The following CTNND2 variants were observed in gnomAD, a reference collection of about 807,000 sequenced individuals.
The protein encoded by CTNND2 is catenin delta 2.
Under a neutral mutation model 144.4 loss-of-function variants are expected in CTNND2, and 22 were observed. That is an observed-to-expected ratio of 0.15 (90% confidence interval 0.11 to 0.22). The LOEUF (loss-of-function observed/expected upper bound fraction) is 0.22. Among genes scored for constraint, CTNND2 ranks in the 10% least tolerant of loss-of-function variants. The pLI, the probability that CTNND2 is intolerant of heterozygous loss-of-function variation, is 1.00. For missense variants in CTNND2, 1,353 were observed against 1,618.8 expected (o/e 0.84, Z 2.82); for synonymous variants, 751 against 695.6 (o/e 1.08, Z -1.25).
chr5:11,528,320 G>A (rs2150050990), intron 3 of CTNND2, among the ~76,000 whole-genome samples: 1 of 152,128 alleles, frequency 6.6e-6, no homozygotes, highest in South Asian at 2.1e-4. Context: ...CTTAAGTAAT[G>A]GCTTTCTGGG....
chr5:11,865,095 A>G (rs1347937559), intron 1 of CTNND2, among the ~76,000 whole-genome samples: 2 of 151,940 alleles, frequency 1.3e-5, no homozygotes, highest in Non-Finnish European at 2.9e-5. Context: ...AGGTGTCTCT[A>G]TGTTGGTCAG....
At chr5:11,139,782 T>C (rs1756533987) in intron 12 of CTNND2, among the ~76,000 whole-genome samples, 2 of 152,336 alleles carry the variant, frequency 1.3e-5, no homozygotes, top group Non-Finnish European at 2.9e-5. Flanking sequence ...GATTTATTCT[T>C]ATACATCTGG....
At chr5:11,163,203 A>ATTT (rs2149774185) in intron 11 of CTNND2, among the ~76,000 whole-genome samples, 1 of 152,328 alleles carries the variant, frequency 6.6e-6, no homozygotes, top group African/African-American at 2.4e-5. Context: ...AGACTATGTC[A>ATTT]TTAAAAAGGC....
At chr5:11,557,968 C>T (rs1776364425) in intron 3 of CTNND2, among the ~76,000 whole-genome samples, 1 of 152,156 alleles carries the variant, frequency 6.6e-6, no homozygotes, top group African/African-American at 2.4e-5. Context: ...AGGAAGGGCA[C>T]AGGTTGCTGC....
rs1458067855 is a variant in CTNND2 at position 11,470,976 on chromosome 5, A to ATT, written c.288-58908_288-58907insAA. Among the ~76,000 whole-genome samples the ATT allele has an allele frequency of 2.4e-4, 23 of 95,132 alleles. No homozygotes were observed. In the South Asian group the frequency reaches 6.0e-3, roughly 25 times the overall value. 62.4% of individuals were successfully genotyped at this position (95,132 alleles called of 152,430 possible). ...AAAGTATATATATATATATATATATATATATTTTTTTTTTTTTTTTAGATG... is the reference window on the plus strand; with the variant it reads ...AAAGTATATATATATATATATATATATTTATATTTTTTTTTTTTTTTTAGATG... On this transcript the variant is annotated intron_variant, in intron 3 of 21. Transcript: ENST00000304623.
chr5:11,158,437 A>T (rs1457923407), intron 12 of CTNND2, among the ~76,000 whole-genome samples: 1 of 152,156 alleles, frequency 6.6e-6, no homozygotes, highest in Non-Finnish European at 1.5e-5. Context: ...TATCCAGAGA[A>T]ATCACGTCAG....
chr5:11,821,658 T>C (rs1229613502), intron 1 of CTNND2, among the ~76,000 whole-genome samples: 1 of 152,174 alleles, frequency 6.6e-6, no homozygotes, highest in Non-Finnish European at 1.5e-5. Flanking sequence ...ACTTAGCATC[T>C]GGCAGGCCAT....
chr5:11,111,240 C>T (rs1466363596), intron 13 of CTNND2, among the ~76,000 whole-genome samples, 197 bp from the exon 14 acceptor site: 1 of 152,170 alleles, frequency 6.6e-6, no homozygotes, highest in South Asian at 2.1e-4. Flanking sequence ...GACCTTTTAT[C>T]CCCCACAAAT....
Position 11,715,801 on chromosome 5 carries a change from G to T in CTNND2, c.174+16335C>A, listed in dbSNP as rs114539443. Among the ~76,000 whole-genome samples the T allele has an allele frequency of 3.6e-3, 553 of 152,262 alleles. 6 individuals are homozygous for T. The highest frequency in any genetic ancestry group is 0.012 in the African/African-American group (510 of 41,566). ...TGCGACAGAAGGTCAATGTGAGCTA[G>T]TTTAAGCAAACCAAAAAAATGAAAA... On this transcript the variant is annotated intron_variant, in intron 2 of 21. Coordinates refer to ENST00000304623, the MANE Select transcript of CTNND2 (RefSeq NM_001332.4).
In CTNND2 at chr5:11,449,397, C is replaced by T. The variant is rs1165668989; in HGVS notation, c.288-37328G>A. On this transcript the variant is annotated intron_variant, in intron 3 of 21. Transcript: ENST00000304623. ...AATAAGCACATGTGGCTGCATTATC[C>T]TAGCCAAAAACCACATTGTTATTGG... 2.0e-5 allele frequency among the ~76,000 whole-genome samples: 3 copies of T among 152,166 alleles called. No homozygotes were observed. The South Asian group carries it at 6.2e-4, about 32-fold the overall frequency.
Position 11,375,785 on chromosome 5 carries a change from A to C in CTNND2, c.1177+8880T>G, listed in dbSNP as rs114182787. On this transcript the variant is annotated intron_variant, in intron 7 of 21. Transcript: ENST00000304623. ...GTGATGCTTTCTAGTACAGAAAGTC[A>C]ATTTGTTTTGACTACATACAATAAA... Among the ~76,000 whole-genome samples the C allele has an allele frequency of 8.4e-3, 1,285 of 152,334 alleles. 17 individuals are homozygous for C. The highest frequency in any genetic ancestry group is 0.028 in the African/African-American group (1,172 of 41,570).
chr5:11,513,925 C>G (rs1771889326), intron 3 of CTNND2, among the ~76,000 whole-genome samples: 1 of 152,108 alleles, frequency 6.6e-6, no homozygotes, highest in East Asian at 1.9e-4. Flanking sequence ...ATGCCTTTGA[C>G]TCCGCAATTC....
chr5:11,303,810 G>T (rs1749860165), intron 9 of CTNND2, among the ~76,000 whole-genome samples: 1 of 152,140 alleles, frequency 6.6e-6, no homozygotes, highest in South Asian at 2.1e-4. Flanking sequence ...GATATGGTTT[G>T]GCTGTGTCCC....
At chr5:11,607,466 A>G (rs533478397) in intron 2 of CTNND2, among the ~76,000 whole-genome samples, 1 of 152,350 alleles carries the variant, frequency 6.6e-6, no homozygotes, top group African/African-American at 2.4e-5. Flanking sequence ...TTACAACAGT[A>G]ATCATATAGT....
At chr5:11,635,450 TA>T (rs1345858441) in intron 2 of CTNND2, among the ~76,000 whole-genome samples, 1 of 152,104 alleles carries the variant, frequency 6.6e-6, no homozygotes, top group Non-Finnish European at 1.5e-5. Flanking sequence ...ACAGGAGTTT[TA>T]AGAGCAGATA....
intron 17 of CTNND2, among the ~76,000 whole-genome samples, chr5:11,018,797 G>C (rs2149533497): frequency 6.8e-6 from 1 of 147,638 alleles, no homozygotes; most frequent in South Asian, 2.1e-4. Flanking sequence ...TGCAACCTCT[G>C]CCTCGCGGGT....
At chr5:11,556,858 G>A (rs1000874106) in intron 3 of CTNND2, among the ~76,000 whole-genome samples, 1 of 151,324 alleles carries the variant, frequency 6.6e-6, no homozygotes, top group African/African-American at 2.5e-5. Context: ...TTTAGGTGTA[G>A]CTAACAACAT....
intron 3 of CTNND2, among the ~76,000 whole-genome samples, chr5:11,426,146 C>A (rs1420424044): frequency 2.0e-5 from 3 of 152,314 alleles, no homozygotes; most frequent in African/African-American, 7.2e-5. Flanking sequence ...TAATCTCTCT[C>A]CTCCACTACC....
chr5:11,864,371 G>A (rs1182209391), intron 1 of CTNND2, among the ~76,000 whole-genome samples: 1 of 152,180 alleles, frequency 6.6e-6, no homozygotes, highest in African/African-American at 2.4e-5. Context: ...AAGCAGATGC[G>A]AAATGTGACA....
Sources: gnomAD v4.1 joint callset for allele counts (sites outside exome capture counted in the v4.1 genomes callset) on GRCh38, gnomAD v4.1.1 for gene constraint, MANE v1.5 for transcripts, NCBI Gene and HGNC (gene_info 2026-07-23, HGNC 2026-07-21) for gene names.